RBFOX1: variants seen among roughly 807,000 people sequenced by gnomAD.
RBFOX1 encodes the protein RNA binding protein fox-1 homolog 1.
In RBFOX1, 8 loss-of-function variants were observed where a neutral mutation model predicts 57.7. The observed-to-expected ratio is 0.14, with a 90% CI of 0.08 to 0.25. The LOEUF (loss-of-function observed/expected upper bound fraction) is 0.25, where lower values mean the gene tolerates loss of function less well. Ranked by LOEUF, RBFOX1 falls within the 10% of genes least tolerant of loss-of-function variation. The pLI is 1.00. For missense variants in RBFOX1, 611 were observed against 548.5 expected, an observed-to-expected ratio of 1.11 and a Z score of -1.14; for synonymous variants, 326 against 222.4, an observed-to-expected ratio of 1.47 and a Z score of -4.15.
At chr16:6,831,648 T>C (rs2092715437) in intron 3 of RBFOX1, among the ~76,000 whole-genome samples, 1 of 151,820 alleles carries the variant, frequency 6.6e-6, no homozygotes, top group African/African-American at 2.4e-5. Context: ...GTTTTAAGCA[T>C]TTTTTTTAAT....
At chr16:7,175,626 A>G (rs928636874) in intron 4 of RBFOX1, among the ~76,000 whole-genome samples, 2 of 152,162 alleles carry the variant, frequency 1.3e-5, no homozygotes, top group Admixed American at 1.3e-4. Context: ...TGGATCCATT[A>G]TCTCACCCCA....
intron 2 of RBFOX1, among the ~76,000 whole-genome samples, chr16:6,334,491 G>A (rs972145544): frequency 3.2e-5 from 4 of 126,580 alleles, no homozygotes; most frequent in Non-Finnish European, 6.2e-5. Flanking sequence ...CTGGACAACA[G>A]AGCAAGATAG....
At chr16:7,026,206 G>A (rs1273632699) in intron 3 of RBFOX1, among the ~76,000 whole-genome samples, 4 of 152,238 alleles carry the variant, frequency 2.6e-5, no homozygotes, top group South Asian at 2.1e-4. Flanking sequence ...CATCAAGACC[G>A]TCTCTTCTAG....
At chr16:5,929,787 G>A (rs530550031) in intron 4 of RBFOX1, among the ~76,000 whole-genome samples, 79 of 152,114 alleles carry the variant, frequency 5.2e-4, no homozygotes, top group Admixed American at 1.8e-3. Context: ...CACACGCTGG[G>A]ATGGGATGTG....
chr16:7,532,947 G>A (rs1036641528), intron 5 of RBFOX1, among the ~76,000 whole-genome samples: 2 of 152,160 alleles, frequency 1.3e-5, no homozygotes, highest in African/African-American at 2.4e-5. Context: ...CCATTTTATT[G>A]GACTCACATT....
intron 2 of RBFOX1, among the ~76,000 whole-genome samples, chr16:6,558,967 C>G (rs901351649): frequency 6.6e-6 from 1 of 152,116 alleles, no homozygotes; most frequent in Non-Finnish European, 1.5e-5. Context: ...CTTTCACTCT[C>G]TACTCAAAAA....
At chr16:5,657,698 CCTT>C (rs140838927) in intron 3 of RBFOX1, among the ~76,000 whole-genome samples, 9,686 of 110,178 alleles carry the variant, frequency 0.088, 601 homozygotes, top group East Asian at 0.19. Flanking sequence ...CTTTCTTTCT[CCTT>C]CTGTCTTTCT....
chr16:5,540,022 G>C (rs147787385), intron 2 of RBFOX1, among the ~76,000 whole-genome samples: 225 of 152,196 alleles, frequency 1.5e-3, no homozygotes, highest in African/African-American at 5.2e-3. Flanking sequence ...TTTTTCTTCT[G>C]TTCTGATTTC....
Position 6,654,586 on chromosome 16 carries a change from T to C in RBFOX1, c.-63-17T>C. On this transcript the variant is annotated splice_polypyrimidine_tract_variant and intron_variant, in intron 2 of 15. Coordinates refer to ENST00000550418, the MANE Select transcript of RBFOX1 (RefSeq NM_018723.4). ...CTGTTCTTTCTCTCACTTTCCTTTC[T>C]TTTCTTCTCTTCTCAGGATATCAAA... 6.7e-7 allele frequency: 1 copy of C among 1,502,324 alleles called. No individual in the cohort carries two copies. The highest frequency in any genetic ancestry group is 1.3e-5 in the South Asian group (1 of 78,024). The allele number at this position is 1,502,324 out of a possible 1,614,324, so 93.1% of individuals were successfully genotyped here.
intron 4 of RBFOX1, among the ~76,000 whole-genome samples, chr16:5,920,138 G>C (rs967504090): frequency 6.6e-6 from 1 of 152,018 alleles, no homozygotes; most frequent in Non-Finnish European, 1.5e-5. Flanking sequence ...ATTTCACCGC[G>C]TTAGCCAGGA....
At position 7,129,638 on chromosome 16, in the gene RBFOX1, G is replaced by A. The variant is rs1022392496; in HGVS notation, c.27+77540G>A. On this transcript the variant is annotated intron_variant, in intron 4 of 15. Transcript: ENST00000550418. The stretch of plus-strand genomic sequence containing the variant: ...CTGATTGTTGACTAGATCATGAGGA[G>A]GATAATGTGGACATTAGGAAGAGGG... Among the ~76,000 whole-genome samples the A allele has an allele frequency of 7.9e-5, 12 of 151,910 alleles. No homozygotes were observed. The East Asian group carries it at 9.7e-4, about 12-fold the overall frequency.
intron 3 of RBFOX1, among the ~76,000 whole-genome samples, chr16:6,868,867 G>C (rs1245312898): frequency 6.6e-6 from 1 of 152,178 alleles, no homozygotes; most frequent in Non-Finnish European, 1.5e-5. Context: ...AATATGCAGG[G>C]AGGTGATGTG....
chr16:5,494,360 C>T (rs1411242725), intron 2 of RBFOX1, among the ~76,000 whole-genome samples: 1 of 152,210 alleles, frequency 6.6e-6, no homozygotes, highest in Non-Finnish European at 1.5e-5. Flanking sequence ...AGACTCTGAC[C>T]TGCATGTGTC....
chr16:7,674,348 A>G lies in RBFOX1; in HGVS notation c.931-2426A>G, dbSNP rs143852623. On this transcript the variant is annotated intron_variant, in intron 13 of 15. Coordinates refer to ENST00000550418, the MANE Select transcript of RBFOX1 (RefSeq NM_018723.4). ...AAATTAACTGAAAAGTAAATTTAAA[A>G]ATCAGTTCATTGCACTAGTTACCTT... Among the ~76,000 whole-genome samples the G allele has an allele frequency of 9.7e-4, 148 of 152,312 alleles. 2 individuals carry two copies. The highest frequency in any genetic ancestry group is 3.4e-3 in the African/African-American group (140 of 41,558).
At chr16:6,887,521 A>G (rs151206622) in intron 3 of RBFOX1, among the ~76,000 whole-genome samples, 22 of 151,762 alleles carry the variant, frequency 1.4e-4, no homozygotes, top group African/African-American at 5.3e-4. Flanking sequence ...ATATTAGGTG[A>G]TTTCCCTATA....
chr16:7,065,405 C>T (rs989652637), intron 4 of RBFOX1, among the ~76,000 whole-genome samples: 14 of 152,114 alleles, frequency 9.2e-5, no homozygotes, highest in African/African-American at 2.9e-4. Flanking sequence ...CATCTCCAAG[C>T]ACCCTGCCTC....
chr16:7,399,540 A>C (rs544708629), intron 4 of RBFOX1, among the ~76,000 whole-genome samples: 15 of 152,296 alleles, frequency 9.8e-5, no homozygotes, highest in Admixed American at 7.8e-4. Flanking sequence ...TTGAGGGAAA[A>C]TCCATACCCT....
At chr16:6,630,359 T>A (rs964219474) in intron 2 of RBFOX1, among the ~76,000 whole-genome samples, 4 of 152,140 alleles carry the variant, frequency 2.6e-5, no homozygotes, top group Non-Finnish European at 5.9e-5. Flanking sequence ...ATCCATCCAT[T>A]TCTGCAGCAG....
chr16:6,555,171 T>G (rs1006002892), intron 2 of RBFOX1, among the ~76,000 whole-genome samples: 1 of 152,184 alleles, frequency 6.6e-6, no homozygotes, highest in Non-Finnish European at 1.5e-5. Flanking sequence ...TCATAAATAC[T>G]CTTTTAAAAT....
Sources: gnomAD v4.1 joint callset for allele counts (sites outside exome capture counted in the v4.1 genomes callset) on GRCh38, gnomAD v4.1.1 for gene constraint, MANE v1.5 for transcripts, NCBI Gene and HGNC (gene_info 2026-07-23, HGNC 2026-07-21) for gene names.